The following CACNA2D3 variants were observed in gnomAD, a reference collection of about 807,000 sequenced individuals.
CACNA2D3 encodes voltage-dependent calcium channel subunit alpha-2/delta-3.
A neutral mutation model predicts 160.6 loss-of-function variants in CACNA2D3; 60 were observed. The observed-to-expected ratio is 0.37, with a 90% CI of 0.30 to 0.46. CACNA2D3 has a LOEUF of 0.46. Ranked by LOEUF, CACNA2D3 falls within the 20% of genes least tolerant of loss-of-function variation. The pLI is 1.00. For synonymous variants in CACNA2D3, 558 were observed against 492.9 expected, an observed-to-expected ratio of 1.13 and a Z score of -1.75; for missense variants, 1,205 against 1,365.0, an observed-to-expected ratio of 0.88 and a Z score of 1.85.
At chr3:54,761,847 C>T (rs1310046196) in intron 12 of CACNA2D3, among the ~76,000 whole-genome samples, 1 of 152,168 alleles carries the variant, frequency 6.6e-6, no homozygotes, top group Non-Finnish European at 1.5e-5. Flanking sequence ...GTTGGCACAC[C>T]AAATTCAAAC....
At chr3:55,055,199 A>C (rs894940903) in intron 35 of CACNA2D3, among the ~76,000 whole-genome samples, 8 of 152,172 alleles carry the variant, frequency 5.3e-5, no homozygotes, top group South Asian at 2.1e-4. Context: ...CTGGTGTTAC[A>C]TGTAAGTCTT....
At chr3:54,802,622 G>C (rs190026838) in intron 13 of CACNA2D3, among the ~76,000 whole-genome samples, 3 of 152,212 alleles carry the variant, frequency 2.0e-5, no homozygotes, top group Admixed American at 2.0e-4. Flanking sequence ...TAGTCCTCTG[G>C]GGGCAGGGCA....
intron 33 of CACNA2D3, among the ~76,000 whole-genome samples, chr3:55,008,873 T>C (rs1403679856): frequency 9.8e-6 from 1 of 102,272 alleles, no homozygotes; most frequent in Non-Finnish European, 2.2e-5. Context: ...GAGAAGTCTG[T>C]TCCACCTCCC....
chr3:54,871,232 T>A (rs1171143405), intron 17 of CACNA2D3, among the ~76,000 whole-genome samples: 2 of 145,814 alleles, frequency 1.4e-5, no homozygotes, highest in Middle Eastern at 3.5e-3. Flanking sequence ...CACCCCCCAT[T>A]CAAGGAGGGG....
chr3:54,132,013 T>G (rs993204292), intron 2 of CACNA2D3, among the ~76,000 whole-genome samples: 55 of 152,216 alleles, frequency 3.6e-4, no homozygotes, highest in African/African-American at 1.3e-3. Flanking sequence ...GACAGTAAAT[T>G]TACTGGATTC....
intron 3 of CACNA2D3, among the ~76,000 whole-genome samples, chr3:54,378,929 G>A (rs1268856932): frequency 6.6e-6 from 1 of 152,186 alleles, no homozygotes; most frequent in African/African-American, 2.4e-5. Context: ...CTGATAACGG[G>A]TATTAATTTA....
chr3:54,788,339 C>G (rs1294983666), intron 13 of CACNA2D3, among the ~76,000 whole-genome samples: 3 of 152,066 alleles, frequency 2.0e-5, no homozygotes, highest in Non-Finnish European at 4.4e-5. Flanking sequence ...TATTCCTTGC[C>G]TGATTGTTCA....
chr3:55,067,108 G>GA (rs938955080), intron 35 of CACNA2D3, among the ~76,000 whole-genome samples: 3 of 151,402 alleles, frequency 2.0e-5, no homozygotes, highest in Non-Finnish European at 4.4e-5. Context: ...TAGCGGGGGG[G>GA]GCTTTTCTCC....
chr3:54,822,785 T>TCTTTCTTTC (rs1703649850), intron 14 of CACNA2D3, among the ~76,000 whole-genome samples: 1 of 78,676 alleles, frequency 1.3e-5, no homozygotes, highest in South Asian at 4.7e-4. Flanking sequence ...TTTCTTTCTT[T>TCTTTCTTTC]CTTTCCTTTC....
chr3:54,549,022 T>C (rs1702110161), intron 5 of CACNA2D3, among the ~76,000 whole-genome samples: 1 of 152,156 alleles, frequency 6.6e-6, no homozygotes, highest in Non-Finnish European at 1.5e-5. Context: ...ACAAAGCAAA[T>C]TCCTTTTCCC....
At chr3:54,746,738 T>A (rs1479834594) in intron 11 of CACNA2D3, among the ~76,000 whole-genome samples, 3 of 152,182 alleles carry the variant, frequency 2.0e-5, no homozygotes, top group Admixed American at 6.5e-5. Flanking sequence ...ATATAGACTG[T>A]TTTTTGAGGC....
chr3:54,925,255 G>A, intron 27 of CACNA2D3: 1 of 1,521,638 alleles, frequency 6.6e-7, no homozygotes, highest in Non-Finnish European at 9.0e-7. Context: ...GAACCAGTTT[G>A]TGAGGTGTGG....
chr3:54,469,687 A>T (rs1700693757), intron 4 of CACNA2D3, among the ~76,000 whole-genome samples: 1 of 152,094 alleles, frequency 6.6e-6, no homozygotes, highest in Admixed American at 6.5e-5. Context: ...CCTTGAAAAA[A>T]GGTTAGAGGA....
chr3:54,938,410 G>C (rs1418524301), intron 27 of CACNA2D3, among the ~76,000 whole-genome samples: 7 of 152,210 alleles, frequency 4.6e-5, no homozygotes, highest in African/African-American at 1.7e-4. Context: ...TTCTAGTCCA[G>C]TGCTTGAAGC....
At chr3:54,944,946 G>C (rs1701575724) in intron 27 of CACNA2D3, among the ~76,000 whole-genome samples, 1 of 152,102 alleles carries the variant, frequency 6.6e-6, no homozygotes, top group Non-Finnish European at 1.5e-5. Context: ...TCACTTTTAA[G>C]AGTGAGGCAC....
chr3:54,960,024 G>T (rs889476791), intron 27 of CACNA2D3, among the ~76,000 whole-genome samples: 5 of 147,652 alleles, frequency 3.4e-5, no homozygotes, highest in African/African-American at 1.0e-4. Context: ...ATTTATAATT[G>T]TCATTTACTC....
intron 2 of CACNA2D3, among the ~76,000 whole-genome samples, chr3:54,215,355 C>A (rs1701441599): frequency 6.6e-6 from 1 of 152,204 alleles, no homozygotes. Flanking sequence ...CATTTAAGAT[C>A]TACTGTTACA....
At chr3:54,322,180 C>T (rs1418766040) in intron 3 of CACNA2D3, among the ~76,000 whole-genome samples, 1 of 152,232 alleles carries the variant, frequency 6.6e-6, no homozygotes, top group Non-Finnish European at 1.5e-5. Context: ...CTAGACCTCA[C>T]CTCCTTGAGG....
intron 17 of CACNA2D3, among the ~76,000 whole-genome samples, chr3:54,871,131 T>A (rs892806641): frequency 6.8e-6 from 1 of 147,670 alleles, no homozygotes; most frequent in East Asian, 2.0e-4. Flanking sequence ...CTAACTAGTC[T>A]GCTATGATTT....
Sources: gnomAD v4.1 joint callset for allele counts (sites outside exome capture counted in the v4.1 genomes callset) on GRCh38, gnomAD v4.1.1 for gene constraint, MANE v1.5 for transcripts, NCBI Gene and HGNC (gene_info 2026-07-23, HGNC 2026-07-21) for gene names.